Variants in NXN observed in about 807,000 individuals in gnomAD.
The protein encoded by NXN is nucleoredoxin 1.
Under a neutral mutation model 48.6 loss-of-function variants are expected in NXN, and 16 were observed. The ratio of observed to expected loss-of-function variants is 0.33; its 90% CI spans 0.22 to 0.50. The LOEUF (loss-of-function observed/expected upper bound fraction) is 0.50, where lower values mean the gene tolerates loss of function less well. NXN is among the 20% of genes least tolerant of loss of function. NXN has a pLI of 0.98. For synonymous variants in NXN, 281 were observed against 269.6 expected (o/e 1.04, Z -0.41); for missense variants, 492 against 605.5 (o/e 0.81, Z 1.97).
In NXN at chr17:825,822, C is replaced by G. The variant is rs140258708; in HGVS notation, c.478+139G>C. 86 of 628,002 alleles carry G rather than the reference C, an allele frequency of 1.4e-4. No homozygotes were observed. The highest frequency in any genetic ancestry group is 2.1e-4 in the Non-Finnish European group (73 of 348,534). 38.9% of individuals were successfully genotyped at this position (628,002 alleles called of 1,614,324 possible). A position where few individuals can be genotyped will look rare whatever the true frequency, so the allele number is the denominator to read the frequency against. On this transcript the variant is annotated intron_variant, in intron 2 of 7. Coordinates refer to ENST00000336868, the MANE Select transcript of NXN (RefSeq NM_022463.5). The surrounding 1 kb of genome is among the most constrained non-coding windows in gnomAD (Gnocchi z 4.1). ...AGGGAATACTATGATTTCACCAAGA[C>G]GACATTCTCTACCACGTAAACCCAC...
Position 825,060 on chromosome 17 carries a change from C to T in NXN, c.478+901G>A, listed in dbSNP as rs980699136. Among the ~76,000 whole-genome samples the T allele has an allele frequency of 5.9e-5, 9 of 152,112 alleles. No homozygotes were observed. Among genetic ancestry groups the T allele is most frequent in the African/African-American group, 1.7e-4 (7 of 41,530 alleles). The stretch of plus-strand genomic sequence containing the variant: ...AGCCTGGGCAAGCCTAGGGAGACCC[C>T]GTCTCTACAAATAATAAAAAATTAG... On this transcript the variant is annotated intron_variant, in intron 2 of 7. Transcript: ENST00000336868. The surrounding 1 kb of genome is among the most constrained non-coding windows in gnomAD (Gnocchi z 4.1).
chr17:843,464 G>A (rs1280852442), intron 1 of NXN, among the ~76,000 whole-genome samples: 1 of 152,246 alleles, frequency 6.6e-6, no homozygotes, highest in Non-Finnish European at 1.5e-5. Context: ...GCTGACAGAA[G>A]GGATTTCCTA....
chr17:889,182 A>C (rs1055891827), intron 1 of NXN, among the ~76,000 whole-genome samples: 1 of 152,142 alleles, frequency 6.6e-6, no homozygotes, highest in Admixed American at 6.6e-5. Context: ...ATTAAGTGGG[A>C]AGACAGAGCA....
At chr17:869,253 G>T (rs2068126369) in intron 1 of NXN, among the ~76,000 whole-genome samples, 1 of 152,046 alleles carries the variant, frequency 6.6e-6, no homozygotes, top group African/African-American at 2.4e-5. Flanking sequence ...TACATCAAAG[G>T]CCAGAACGAA....
At chr17:864,659 C>T (rs1292299866) in intron 1 of NXN, among the ~76,000 whole-genome samples, 1 of 152,216 alleles carries the variant, frequency 6.6e-6, no homozygotes, top group Non-Finnish European at 1.5e-5. Flanking sequence ...TTTTACCAGA[C>T]TCACCCTGAG....
intron 5 of NXN, among the ~76,000 whole-genome samples, chr17:817,208 C>A (rs1912513812): frequency 6.6e-6 from 1 of 152,142 alleles, no homozygotes; most frequent in African/African-American, 2.4e-5. Context: ...TCTCTCAGCT[C>A]CCGCTTAGCC....
chr17:830,208 A>G lies in NXN; in HGVS notation c.361-4130T>C, dbSNP rs546427358. ...AAGAGCTGAAAGTGATTCAGCAGATATTAAGTGAGCGCCCACTGTGTGCCA... is the reference window on the plus strand; with the variant it reads ...AAGAGCTGAAAGTGATTCAGCAGATGTTAAGTGAGCGCCCACTGTGTGCCA... On this transcript the variant is annotated intron_variant, in intron 1 of 7. Transcript: ENST00000336868. The surrounding 1 kb of genome is among the most constrained non-coding windows in gnomAD (Gnocchi z 4.2). Among the ~76,000 whole-genome samples, 110 of 152,342 alleles carry G rather than the reference A, an allele frequency of 7.2e-4. 1 individual carries two copies. The highest frequency in any genetic ancestry group is 3.4e-3 in the Middle Eastern group (1 of 294).
intron 1 of NXN, among the ~76,000 whole-genome samples, chr17:954,625 G>A (rs1210618377): frequency 6.6e-6 from 1 of 152,202 alleles, no homozygotes; most frequent in East Asian, 1.9e-4. Flanking sequence ...CAGGCCCCAG[G>A]GCCGAGTGCC....
chr17:863,793 A>T (rs529811743), intron 1 of NXN: 63 of 668,752 alleles, frequency 9.4e-5, no homozygotes, highest in Middle Eastern at 7.7e-4. Flanking sequence ...CATCTGGTTG[A>T]AAAAAGTCCA....
chr17:976,345 C>T (rs560773036), intron 1 of NXN, among the ~76,000 whole-genome samples: 1 of 152,162 alleles, frequency 6.6e-6, no homozygotes, highest in South Asian at 2.1e-4. Context: ...CATTTTCTTT[C>T]CCCACCATAA....
chr17:832,122 A>C (rs6598828), intron 1 of NXN, among the ~76,000 whole-genome samples: 41 of 151,080 alleles, frequency 2.7e-4, no homozygotes, highest in African/African-American at 1.0e-3. Flanking sequence ...AGTGGTTTGC[A>C]TTTAAGCACC....
At chr17:848,216 C>T (rs2067886460) in intron 1 of NXN, among the ~76,000 whole-genome samples, 1 of 152,126 alleles carries the variant, frequency 6.6e-6, no homozygotes, top group East Asian at 1.9e-4. Context: ...CGGCTCACTG[C>T]AACTTCTGCC....
chr17:825,964 C>T lies in NXN; in HGVS notation c.475G>A (p.Glu159Lys), dbSNP rs1913078547. The T allele has an allele frequency of 1.2e-6, 2 of 1,604,884 alleles. No individual in the cohort carries two copies. The highest frequency in any genetic ancestry group is 8.5e-7 in the Non-Finnish European group (1 of 1,173,278). ...TATGCACGGGCTGAGGTTTTACCTT[C>T]TGGGTCATCTCGGATCACCAGCAGC... The part of the protein sequence containing the change: ...NGLLVIRDDP[E>K]GLEFPWGPKP... Residue 159 changes from glutamate (E) to lysine (K), a missense_variant, in exon 2 of 8, where the codon GAA becomes AAA. Coordinates refer to ENST00000336868, the MANE Select transcript of NXN (RefSeq NM_022463.5). The surrounding 1 kb of genome is among the most constrained non-coding windows in gnomAD (Gnocchi z 4.1).
At chr17:807,040 G>A (rs1037424719) in intron 5 of NXN, among the ~76,000 whole-genome samples, 2 of 152,188 alleles carry the variant, frequency 1.3e-5, no homozygotes, top group African/African-American at 2.4e-5. Context: ...GTGTGCTGCC[G>A]CACAAGAAAC....
chr17:932,505 G>A lies in NXN; in HGVS notation c.360+46814C>T, dbSNP rs148511404. Among the ~76,000 whole-genome samples the A allele has an allele frequency of 3.0e-3, 453 of 152,312 alleles. 2 individuals carry two copies. Among genetic ancestry groups the A allele is most frequent in the African/African-American group, 0.01 (435 of 41,562 alleles). On this transcript the variant is annotated intron_variant, in intron 1 of 7. Transcript: ENST00000336868. This position sits in a 1 kb window ranked among gnomAD's most constrained non-coding sequence, Gnocchi z 4.1. ...CTCTGAGGCGGCGTTGGGTCCAGTC[G>A]TCGTCTCCTCAGCGAGTAAGGCAGC... is the stretch of plus-strand genomic sequence containing the variant.
chr17:973,834 C>T (rs2069421531), intron 1 of NXN, among the ~76,000 whole-genome samples: 1 of 151,696 alleles, frequency 6.6e-6, no homozygotes, highest in Admixed American at 6.6e-5. Flanking sequence ...TGTGTACCAC[C>T]ACACCTGGTT....
At chr17:812,041 C>T (rs928071532) in intron 5 of NXN, among the ~76,000 whole-genome samples, 1 of 150,436 alleles carries the variant, frequency 6.6e-6, no homozygotes, top group Non-Finnish European at 1.5e-5. Flanking sequence ...CATTCTCCTG[C>T]CTCAGCCTCC....
chr17:883,656 C>T (rs1037939353), intron 1 of NXN, among the ~76,000 whole-genome samples: 3 of 152,236 alleles, frequency 2.0e-5, no homozygotes, highest in Non-Finnish European at 4.4e-5. Context: ...GAGGAAGGCT[C>T]ACAGGGCAAG....
intron 1 of NXN, among the ~76,000 whole-genome samples, chr17:901,495 TTCC>T: frequency 6.6e-6 from 1 of 152,278 alleles, no homozygotes; most frequent in East Asian, 1.9e-4. Context: ...TGACCTCTGC[TTCC>T]TCGTTACTAA....
Sources: gnomAD v4.1 joint callset for allele counts (sites outside exome capture counted in the v4.1 genomes callset) on GRCh38, gnomAD v4.1.1 for gene constraint, Gnocchi (gnomAD v3.1) non-coding constraint, MANE v1.5 for transcripts, NCBI Gene and HGNC (gene_info 2026-07-23, HGNC 2026-07-21) for gene names.